The following KMO variants were observed in gnomAD, a reference collection of about 807,000 sequenced individuals.
KMO encodes kynurenine 3-monooxygenase, also known as kynurenine 3-hydroxylase.
A neutral mutation model predicts 57.8 loss-of-function variants in KMO; 24 were observed. That is an observed-to-expected ratio of 0.42 (90% CI 0.30 to 0.58). The LOEUF (loss-of-function observed/expected upper bound fraction) is 0.58. Among genes scored for constraint, KMO ranks in the 20% least tolerant of loss-of-function variants. The probability of loss-of-function intolerance (pLI) is 0.22; values close to 1 mark genes in which losing one functional copy is unlikely to be tolerated. For missense variants in KMO, 483 were observed against 588.2 expected (o/e 0.82, Z 1.85); for synonymous variants, 210 against 193.6 (o/e 1.08, Z -0.70).
At chr1:241,558,114 C>G (rs1661707389) in intron 5 of KMO, among the ~76,000 whole-genome samples, 1 of 152,164 alleles carries the variant, frequency 6.6e-6, no homozygotes, top group African/African-American at 2.4e-5. Context: ...GGATTTAAAT[C>G]TGAGTCTGTT....
chr1:241,580,840 G>A (rs1662721123), intron 10 of KMO, among the ~76,000 whole-genome samples: 2 of 151,892 alleles, frequency 1.3e-5, no homozygotes, highest in African/African-American at 4.8e-5. Context: ...TGGATAATAT[G>A]TTCTGTAAAT....
intron 2 of KMO, among the ~76,000 whole-genome samples, chr1:241,549,461 G>A (rs889437235): frequency 2.0e-5 from 3 of 151,404 alleles, no homozygotes; most frequent in South Asian, 2.1e-4. Context: ...TTAATAAAAC[G>A]CTTTTCTTAA....
intron 1 of KMO, among the ~76,000 whole-genome samples, chr1:241,543,004 T>G (rs1394007331): frequency 6.6e-6 from 1 of 152,220 alleles, no homozygotes; most frequent in East Asian, 1.9e-4. Flanking sequence ...TTCTTTAAAT[T>G]TATTTGAACC....
At chr1:241,565,812 T>C (rs1232479744) in intron 8 of KMO, among the ~76,000 whole-genome samples, 2 of 152,186 alleles carry the variant, frequency 1.3e-5, no homozygotes, top group African/African-American at 2.4e-5. Flanking sequence ...TTGGGGTCTT[T>C]TTTGTTTCTG....
At position 241,592,074 on chromosome 1, in the gene KMO, C is replaced by T. The variant is rs777667434; in HGVS notation, c.1382C>T (p.Ala461Val). 1.2e-6 allele frequency: 2 copies of T among 1,613,896 alleles called. No individual in the cohort carries two copies. The highest frequency in any genetic ancestry group is 1.3e-5 in the African/African-American group (1 of 74,896). ...LRLRRPWNWI[A>V]HFRNTTCFPA... ...TTGAGAAGACCATGGAACTGGATAG[C>T]TCACTTCCGGAATACAACATGTTTC... The change falls in exon 15 of 15, where the codon GCT becomes GTT. Residue 461 changes from alanine to valine, a missense_variant. By Grantham distance (64) the Ala-to-Val change is moderately conservative. Transcript: ENST00000366559.
chr1:241,553,790 A>G (rs1661501292), intron 4 of KMO, among the ~76,000 whole-genome samples: 1 of 152,250 alleles, frequency 6.6e-6, no homozygotes, highest in South Asian at 2.1e-4. Context: ...ACAGTCTATT[A>G]ATAACCTAGC....
intron 5 of KMO, 26 bp downstream of exon 5, chr1:241,555,686 T>C (rs1313689016): frequency 7.1e-7 from 1 of 1,415,858 alleles, no homozygotes; most frequent in Non-Finnish European, 1.0e-6. Context: ...GATTCATCAG[T>C]TGTCATTTTG....
intron 1 of KMO, among the ~76,000 whole-genome samples, chr1:241,548,085 C>CT (rs1162776759): frequency 2.0e-5 from 1 of 51,210 alleles, no homozygotes; most frequent in Non-Finnish European, 7.6e-5. Flanking sequence ...CAAAAACAAA[C>CT]AAAACACACA....
chr1:241,583,601 G>C (rs898766967), intron 10 of KMO, among the ~76,000 whole-genome samples: 5 of 151,942 alleles, frequency 3.3e-5, no homozygotes, highest in Admixed American at 2.0e-4. Context: ...TGAAGAAGAG[G>C]GTCTCAGGTA....
chr1:241,571,584 C>T (rs1162431604), intron 10 of KMO, among the ~76,000 whole-genome samples: 1 of 152,026 alleles, frequency 6.6e-6, no homozygotes, highest in African/African-American at 2.4e-5. Context: ...TGAGGTATCA[C>T]TTTTATTGAT....
intron 1 of KMO, among the ~76,000 whole-genome samples, chr1:241,545,347 CA>C (rs752757497): frequency 6.9e-4 from 105 of 152,162 alleles, no homozygotes; most frequent in Non-Finnish European, 1.0e-3. Context: ...TAAATCACCA[CA>C]AACCAGGTAG....
At chr1:241,584,438 T>C (rs551621315) in intron 10 of KMO, among the ~76,000 whole-genome samples, 29 of 152,330 alleles carry the variant, frequency 1.9e-4, no homozygotes, top group Admixed American at 1.2e-3. Context: ...GAAGACAGTG[T>C]GGCGATTCCT....
intron 11 of KMO, 33 bp downstream of exon 11, chr1:241,586,769 A>G (rs891697625): frequency 3.3e-6 from 5 of 1,496,942 alleles, no homozygotes; most frequent in Non-Finnish European, 4.6e-6. Flanking sequence ...CTGGACATGT[A>G]CTAGCTCTTC....
intron 10 of KMO, among the ~76,000 whole-genome samples, chr1:241,585,051 C>T (rs1372107450): frequency 6.6e-6 from 1 of 151,494 alleles, no homozygotes; most frequent in Non-Finnish European, 1.5e-5. Context: ...CATGGTGAAA[C>T]CCCGTCTCTA....
chr1:241,567,541 A>G lies in KMO; in HGVS notation c.809+929A>G, dbSNP rs184587502. On this transcript the variant is annotated intron_variant, in intron 9 of 14. Transcript: ENST00000366559. The stretch of plus-strand genomic sequence containing the variant: ...CAATATAGGAATGTTAGGGGAGCAT[A>G]AACATTCAGTCTATAGCAGAGCAAG... Among the ~76,000 whole-genome samples, 4 of 152,328 alleles carry G rather than the reference A, an allele frequency of 2.6e-5. No individual in the cohort carries two copies. In the East Asian group the frequency reaches 7.7e-4, roughly 29 times the overall value.
Position 241,592,257 on chromosome 1 carries a change from G to T in KMO, c.*104G>T. ...ATTTGATTCACTAGTGGAAGATAGT[G>T]TTCTGCTTATAATTAAACTGAATGT... On this transcript the variant is annotated 3_prime_UTR_variant, in exon 15 of 15. Transcript: ENST00000366559. 1 of 790,352 alleles carries T rather than the reference G, an allele frequency of 1.3e-6. No individual in the cohort carries two copies. The highest frequency in any genetic ancestry group is 2.1e-6 in the Non-Finnish European group (1 of 483,686). The allele number at this position is 790,352 out of a possible 1,614,324, so 49.0% of individuals were successfully genotyped here.
Position 241,590,250 on chromosome 1 carries a change from A to C in KMO, c.1247A>C (p.His416Pro). 6.2e-7 allele frequency: 1 copy of C among 1,613,590 alleles called. No individual in the cohort carries two copies. Among genetic ancestry groups the C allele is most frequent in the Non-Finnish European group, 8.5e-7 (1 of 1,179,552 alleles). ...IRYHEAVQRW[H>P]WQKKVINKGL... ...TACCATGAGGCTGTGCAGCGTTGGC[A>C]TTGGCAAAAAAAGGTTGGAACAGTT... The change falls in exon 14 of 15, where the codon CAT becomes CCT. Residue 416 changes from histidine (H) to proline (P), a missense_variant. His to Pro is a moderately conservative substitution (Grantham distance 77, BLOSUM62 -2). Around this residue, in one of 3 missense-constraint regions of KMO, gnomAD observed 410 missense variants for 492.3 expected, o/e 0.83. Transcript: ENST00000366559.
chr1:241,591,597 G>A (rs1283705373), intron 14 of KMO, among the ~76,000 whole-genome samples: 1 of 152,146 alleles, frequency 6.6e-6, no homozygotes, highest in East Asian at 1.9e-4. Flanking sequence ...GGAAGCTTCT[G>A]AGAAGGAATG....
At chr1:241,585,230 A>AAATC (rs1553351153) in intron 10 of KMO, among the ~76,000 whole-genome samples, 1 of 151,024 alleles carries the variant, frequency 6.6e-6, no homozygotes, top group Non-Finnish European at 1.5e-5. Context: ...CTGCATTTCA[A>AAATC]AATTAATTAA....
Sources: allele counts gnomAD v4.1 joint callset (sites outside exome capture counted in the v4.1 genomes callset), GRCh38; gene constraint gnomAD v4.1.1; regional missense constraint gnomAD v4.1.1; transcripts MANE v1.5; gene names NCBI Gene and HGNC (gene_info 2026-07-23, HGNC 2026-07-21).